The following GOLGA4 variants were observed in gnomAD, a reference collection of about 807,000 sequenced individuals.
GOLGA4 encodes golgin subfamily A member 4.
GOLGA4 carries 169 observed loss-of-function variants against 265.9 expected under a neutral mutation model. That is an observed-to-expected ratio of 0.64 (90% CI 0.56 to 0.72). GOLGA4 has a LOEUF of 0.72. Ranked by LOEUF, GOLGA4 falls within the 30% of genes least tolerant of loss-of-function variation. The pLI, the probability that GOLGA4 is intolerant of heterozygous loss-of-function variation, is 0.00. For synonymous variants in GOLGA4, 923 were observed against 855.8 expected, an observed-to-expected ratio of 1.08 and a Z score of -1.37; for missense variants, 2,482 against 2,483.4, an observed-to-expected ratio of 1.00 and a Z score of 0.01.
chr3:37,315,189 T>C (rs1307243979), intron 10 of GOLGA4, among the ~76,000 whole-genome samples: 3 of 152,216 alleles, frequency 2.0e-5, no homozygotes, highest in Admixed American at 2.0e-4. Flanking sequence ...TAGGCTCATA[T>C]AAACAAGTCT....
chr3:37,300,347 AC>A (rs2096889424), intron 9 of GOLGA4, among the ~76,000 whole-genome samples: 1 of 152,182 alleles, frequency 6.6e-6, no homozygotes, highest in South Asian at 2.1e-4. Context: ...CCGGGTTATC[AC>A]TAGAGTATTT....
intron 1 of GOLGA4, chr3:37,243,835 A>G (rs901087260): frequency 1.2e-5 from 7 of 578,706 alleles, no homozygotes; most frequent in African/African-American, 1.1e-4. Context: ...TCATCCAGTC[A>G]ATGAGTGGAT....
chr3:37,315,485 A>G lies in GOLGA4; in HGVS notation c.1300A>G (p.Lys434Glu). Residue 434 changes from lysine to glutamate, a missense_variant, in exon 11 of 24, where the codon AAG (lysine) becomes GAG (glutamate). Coordinates refer to ENST00000361924, the MANE Select transcript of GOLGA4 (RefSeq NM_002078.5). Reference protein sequence around the residue: ...QKTEEARRKLKAEMDEQIKTI... With the variant: ...QKTEEARRKLEAEMDEQIKTI... Reference sequence around the variant, plus strand: ...AACAGAGGAAGCACGGAGAAAACTGAAGGCAGAAATGGATGAACAAATAAA... The same window carrying G: ...AACAGAGGAAGCACGGAGAAAACTGGAGGCAGAAATGGATGAACAAATAAA... The G allele has an allele frequency of 6.2e-7, 1 of 1,614,038 alleles. No homozygotes were observed. The highest frequency in any genetic ancestry group is 8.5e-7 in the Non-Finnish European group (1 of 1,179,896).
chr3:37,349,413 T>G (rs2097066724), intron 21 of GOLGA4, among the ~76,000 whole-genome samples: 1 of 152,014 alleles, frequency 6.6e-6, no homozygotes. Context: ...AGAGGAGATG[T>G]TAGATTTTGA....
chr3:37,321,599 G>C (rs1191432868), intron 12 of GOLGA4, 132 bp from the exon 13 acceptor site: 1 of 741,848 alleles, frequency 1.3e-6, no homozygotes, highest in African/African-American at 1.8e-5. Context: ...CATGGGAGGA[G>C]AGAGATGATG....
chr3:37,356,541 T>A (rs1309691446), intron 22 of GOLGA4, among the ~76,000 whole-genome samples: 1 of 152,200 alleles, frequency 6.6e-6, no homozygotes, highest in South Asian at 2.1e-4. Flanking sequence ...TATTTCTGCT[T>A]ATAAATATTT....
chr3:37,322,481 T>C (rs2096957804), intron 13 of GOLGA4, among the ~76,000 whole-genome samples: 1 of 152,192 alleles, frequency 6.6e-6, no homozygotes, highest in Admixed American at 6.5e-5. Context: ...TTAGACTTGT[T>C]AGCTTTTTTG....
intron 5 of GOLGA4, among the ~76,000 whole-genome samples, chr3:37,291,875 A>G (rs2096865536): frequency 6.6e-6 from 1 of 151,956 alleles, no homozygotes; most frequent in South Asian, 2.1e-4. Context: ...AGATTGATGA[A>G]TTTGTTGGTT....
intron 21 of GOLGA4, among the ~76,000 whole-genome samples, chr3:37,347,896 T>A (rs1450120854): frequency 6.6e-6 from 1 of 152,216 alleles, no homozygotes; most frequent in African/African-American, 2.4e-5. Flanking sequence ...AAAAAGAGCC[T>A]TATTGGACAT....
At chr3:37,352,038 C>G (rs1199164500) in intron 21 of GOLGA4, among the ~76,000 whole-genome samples, 3 of 151,776 alleles carry the variant, frequency 2.0e-5, no homozygotes, top group African/African-American at 7.3e-5. Context: ...AAGGCTGTTT[C>G]ATCTACACAG....
intron 22 of GOLGA4, among the ~76,000 whole-genome samples, chr3:37,355,705 T>A (rs2151071404): frequency 6.6e-6 from 1 of 152,222 alleles, no homozygotes; most frequent in Non-Finnish European, 1.5e-5. Context: ...CAGCTGTAAT[T>A]GAAAAATGAA....
At chr3:37,300,776 T>G (rs1237360728) in intron 9 of GOLGA4, among the ~76,000 whole-genome samples, 1 of 152,232 alleles carries the variant, frequency 6.6e-6, no homozygotes, top group African/African-American at 2.4e-5. Context: ...TCTAAAAATT[T>G]AATAATTTTA....
At chr3:37,293,466 A>G (rs904031616) in intron 5 of GOLGA4, among the ~76,000 whole-genome samples, 3 of 152,264 alleles carry the variant, frequency 2.0e-5, no homozygotes, top group Non-Finnish European at 4.4e-5. Context: ...GGTAAAAGAT[A>G]GGATCTAAAC....
At chr3:37,351,653 A>G (rs943592367) in intron 21 of GOLGA4, among the ~76,000 whole-genome samples, 1 of 152,182 alleles carries the variant, frequency 6.6e-6, no homozygotes, top group Non-Finnish European at 1.5e-5. Flanking sequence ...GCATAAAACA[A>G]TTTAATCTTG....
At chr3:37,320,983 T>C (rs1219303132) in intron 12 of GOLGA4, among the ~76,000 whole-genome samples, 3 of 152,202 alleles carry the variant, frequency 2.0e-5, no homozygotes, top group Non-Finnish European at 4.4e-5. Flanking sequence ...TTTCCTTAAT[T>C]TAAGTAGTGC....
intron 10 of GOLGA4, among the ~76,000 whole-genome samples, chr3:37,305,599 C>T (rs1401458872): frequency 1.3e-5 from 2 of 152,078 alleles, no homozygotes; most frequent in African/African-American, 4.8e-5. Context: ...TTGGAAAATT[C>T]AATTGCTCTA....
At position 37,243,356 on chromosome 3, in the gene GOLGA4, G is replaced by C. The variant is rs1560255896; in HGVS notation, c.-195G>C. The stretch of plus-strand genomic sequence containing the variant: ...GCCAGCCAGTGGCACCCGGAAGAAA[G>C]AGACGCGGCGGCGGCGACGCCGACA... On this transcript the variant is annotated 5_prime_UTR_variant, in exon 1 of 24. Transcript: ENST00000361924. The C allele has an allele frequency of 1.7e-6, 1 of 581,242 alleles. No individual in the cohort carries two copies. The highest frequency in any genetic ancestry group is 3.1e-6 in the Non-Finnish European group (1 of 323,978). 36.0% of individuals were successfully genotyped at this position (581,242 alleles called of 1,614,324 possible).
intron 22 of GOLGA4, 115 bp downstream of exon 22, chr3:37,355,302 T>C (rs1375084952): frequency 2.2e-5 from 14 of 628,236 alleles, no homozygotes; most frequent in Admixed American, 1.6e-4. Flanking sequence ...CAAATCTTTA[T>C]TATATCACAG....
At chr3:37,288,501 G>A (rs1265104665) in intron 4 of GOLGA4, among the ~76,000 whole-genome samples, 1 of 148,878 alleles carries the variant, frequency 6.7e-6, no homozygotes, top group African/African-American at 2.5e-5. Context: ...TTTTGAGATG[G>A]AGTCTTGCTC....
Sources: gnomAD v4.1 joint callset for allele counts (sites outside exome capture counted in the v4.1 genomes callset) on GRCh38, gnomAD v4.1.1 for gene constraint, MANE v1.5 for transcripts, NCBI Gene and HGNC (gene_info 2026-07-23, HGNC 2026-07-21) for gene names.